DPP10: variants seen among roughly 807,000 people sequenced by gnomAD.
DPP10 encodes the protein inactive dipeptidyl peptidase 10.
In DPP10, 33 loss-of-function variants were observed where a neutral mutation model predicts 120.9. That is an observed-to-expected ratio of 0.27 (90% confidence interval 0.21 to 0.37). The LOEUF (loss-of-function observed/expected upper bound fraction) is 0.37, where lower values mean the gene tolerates loss of function less well. Among genes scored for constraint, DPP10 ranks in the 10% least tolerant of loss-of-function variants. The probability of loss-of-function intolerance (pLI) is 1.00; values close to 1 mark genes in which losing one functional copy is unlikely to be tolerated. For synonymous variants in DPP10, 337 were observed against 326.1 expected (o/e 1.03, Z -0.36); for missense variants, 816 against 942.8 (o/e 0.87, Z 1.76).
chr2:115,715,026 C>T (rs1409569203), intron 7 of DPP10, among the ~76,000 whole-genome samples: 1 of 88,746 alleles, frequency 1.1e-5, no homozygotes, highest in African/African-American at 4.2e-5. Flanking sequence ...AAGACTCTGT[C>T]TCAAAAAAAA....
chr2:114,860,662 C>T (rs12478542), intron 1 of DPP10, among the ~76,000 whole-genome samples: 152,109 of 152,352 alleles, frequency 1, 75,934 homozygotes, highest in Middle Eastern at 1. Flanking sequence ...ACTTTAACTT[C>T]GCCTGCATAA....
intron 2 of DPP10, among the ~76,000 whole-genome samples, chr2:115,317,189 C>T (rs2061837656): frequency 1.3e-5 from 2 of 151,936 alleles, no homozygotes; most frequent in African/African-American, 4.8e-5. Context: ...CTCAGTTGCT[C>T]CTCATATCCC....
chr2:115,832,893 C>A (rs1689081274), intron 21 of DPP10, among the ~76,000 whole-genome samples: 1 of 151,940 alleles, frequency 6.6e-6, no homozygotes, highest in Admixed American at 6.6e-5. Flanking sequence ...TACAATTATG[C>A]AGTAATAACT....
intron 5 of DPP10, among the ~76,000 whole-genome samples, chr2:115,633,161 G>A (rs2086026961): frequency 6.6e-6 from 1 of 152,300 alleles, no homozygotes; most frequent in African/African-American, 2.4e-5. Context: ...ATTCACAATA[G>A]CAAAGACTTG....
chr2:115,155,328 T>C (rs1271812126), intron 1 of DPP10, among the ~76,000 whole-genome samples: 3 of 152,092 alleles, frequency 2.0e-5, no homozygotes, highest in Non-Finnish European at 4.4e-5. Context: ...TTGTGAAAGG[T>C]GTTGAGTCCT....
intron 3 of DPP10, among the ~76,000 whole-genome samples, chr2:115,493,973 A>G (rs747996406): frequency 3.9e-5 from 6 of 152,120 alleles, no homozygotes; most frequent in Non-Finnish European, 8.8e-5. Context: ...TTTTTGAGAC[A>G]GAGTCTCACT....
chr2:115,689,995 A>G, intron 7 of DPP10, 74 bp downstream of exon 7: 2 of 1,463,496 alleles, frequency 1.4e-6, no homozygotes, highest in Non-Finnish European at 1.9e-6. Flanking sequence ...GAAACTTTGG[A>G]AAAACCATAG....
intron 7 of DPP10, among the ~76,000 whole-genome samples, chr2:115,699,050 CAA>C (rs1491480040): frequency 3.6e-5 from 3 of 82,968 alleles, no homozygotes; most frequent in South Asian, 4.0e-4. Context: ...AAAAAAAAAA[CAA>C]GAGAAGACTC....
intron 1 of DPP10, among the ~76,000 whole-genome samples, chr2:114,901,510 C>T (rs1693571572): frequency 6.6e-6 from 1 of 152,124 alleles, no homozygotes; most frequent in Admixed American, 6.6e-5. Context: ...ATGGATAACT[C>T]ATTTTAAGAA....
At chr2:114,718,250 A>G (rs1446650545) in intron 1 of DPP10, among the ~76,000 whole-genome samples, 1 of 152,048 alleles carries the variant, frequency 6.6e-6, no homozygotes, top group Non-Finnish European at 1.5e-5. Flanking sequence ...GCAACTAGCC[A>G]TATGTGGCTG....
intron 1 of DPP10, among the ~76,000 whole-genome samples, chr2:115,074,701 G>T (rs1310377977): frequency 6.6e-6 from 1 of 152,172 alleles, no homozygotes; most frequent in Non-Finnish European, 1.5e-5. Flanking sequence ...GGAAAGAGAT[G>T]ATGACACCCT....
At chr2:115,767,594 A>ATG (rs1553503349) in intron 12 of DPP10, among the ~76,000 whole-genome samples, 5 of 151,746 alleles carry the variant, frequency 3.3e-5, no homozygotes, top group Admixed American at 3.3e-4. Context: ...GTATATATAT[A>ATG]TGTGGCTTTC....
chr2:115,033,164 G>C (rs1309756156), intron 1 of DPP10, among the ~76,000 whole-genome samples: 1 of 152,094 alleles, frequency 6.6e-6, no homozygotes, highest in South Asian at 2.1e-4. Context: ...TCCCCATTTG[G>C]CAGACTTGAC....
At chr2:115,121,793 T>C (rs988922639) in intron 1 of DPP10, among the ~76,000 whole-genome samples, 1 of 152,192 alleles carries the variant, frequency 6.6e-6, no homozygotes, top group Non-Finnish European at 1.5e-5. Context: ...GTCCTCCTTA[T>C]TCTGCTCTAG....
At chr2:114,805,804 C>T (rs1684672589) in intron 1 of DPP10, among the ~76,000 whole-genome samples, 1 of 152,130 alleles carries the variant, frequency 6.6e-6, no homozygotes, top group Admixed American at 6.6e-5. Context: ...CAATTAAATG[C>T]TTGACCTGAA....
chr2:115,413,701 T>C (rs890049829), intron 3 of DPP10, among the ~76,000 whole-genome samples: 2 of 152,182 alleles, frequency 1.3e-5, no homozygotes, highest in African/African-American at 4.8e-5. Flanking sequence ...CAAGCAAAAA[T>C]ACAGTTTTCC....
chr2:115,622,252 G>A (rs1322476361), intron 5 of DPP10, among the ~76,000 whole-genome samples: 1 of 151,912 alleles, frequency 6.6e-6, no homozygotes, highest in Non-Finnish European at 1.5e-5. Flanking sequence ...TGCCTCTTTG[G>A]AACATTTCAC....
At chr2:115,187,404 A>T (rs1048425101) in intron 1 of DPP10, among the ~76,000 whole-genome samples, 16 of 152,186 alleles carry the variant, frequency 1.1e-4, no homozygotes, top group African/African-American at 3.4e-4. Flanking sequence ...ACTTTTTAGT[A>T]TAGAAACTTT....
At chr2:115,600,601 T>C (rs2083262967) in intron 5 of DPP10, among the ~76,000 whole-genome samples, 1 of 152,234 alleles carries the variant, frequency 6.6e-6, no homozygotes, top group Admixed American at 6.5e-5. Context: ...CTCTAAAGCG[T>C]AGCTCATTCA....
Sources: gnomAD v4.1 joint callset for allele counts (sites outside exome capture counted in the v4.1 genomes callset) on GRCh38, gnomAD v4.1.1 for gene constraint, MANE v1.5 for transcripts, NCBI Gene and HGNC (gene_info 2026-07-23, HGNC 2026-07-21) for gene names.